NUMBL: variants seen among roughly 807,000 people sequenced by gnomAD.
NUMBL encodes numb-like protein.
Under a neutral mutation model 48.9 loss-of-function variants are expected in NUMBL, and 20 were observed. That is an observed-to-expected ratio of 0.41 (90% CI 0.29 to 0.59). The LOEUF (loss-of-function observed/expected upper bound fraction) is 0.59. NUMBL is among the 20% of genes least tolerant of loss of function. NUMBL has a pLI of 0.31. For synonymous variants in NUMBL, 340 were observed against 348.7 expected, an observed-to-expected ratio of 0.98 and a Z score of 0.28; for missense variants, 660 against 846.2, an observed-to-expected ratio of 0.78 and a Z score of 2.73.
In NUMBL at chr19:40,667,608, G is replaced by A. The variant is rs1282285599; in HGVS notation, c.1690C>T (p.Pro564Ser). Reference sequence around the variant, plus strand: ...GGAGCTGGGGCAGGCGCTGGCTCAGGGGGCCAGGGGGCCCCATTGGGGCGA... The same window carrying A: ...GGAGCTGGGGCAGGCGCTGGCTCAGAGGGCCAGGGGGCCCCATTGGGGCGA... Reference protein sequence around the residue: ...RPRPNGAPWPPEPAPAPAPEL... With the variant: ...RPRPNGAPWPSEPAPAPAPEL... The change falls in exon 10 of 10, where the codon CCT becomes TCT. Residue 564 changes from proline to serine, a missense_variant. Pro to Ser is a moderately conservative substitution (Grantham distance 74). Around this residue, in one of 3 missense-constraint regions of NUMBL, gnomAD observed 296 missense variants for 339.7 expected, o/e 0.87. Coordinates refer to ENST00000252891, the MANE Select transcript of NUMBL (RefSeq NM_004756.5). This position sits in a 1 kb window ranked among gnomAD's most constrained non-coding sequence, Gnocchi z 6.1. 1.3e-6 allele frequency: 2 copies of A among 1,554,262 alleles called. No homozygotes were observed. The highest frequency in any genetic ancestry group is 1.7e-6 in the Non-Finnish European group (2 of 1,149,058).
chr19:40,678,037 C>G (rs2081887192), intron 6 of NUMBL, among the ~76,000 whole-genome samples: 1 of 152,186 alleles, frequency 6.6e-6, no homozygotes, highest in Non-Finnish European at 1.5e-5. Context: ...ACGTGTGTGT[C>G]TCTCTCAGTT....
rs2081943685 is a variant in NUMBL at position 40,688,067 on chromosome 19, C to A, written c.25-1072G>T. Among the ~76,000 whole-genome samples, 1 of 152,160 alleles carries A rather than the reference C, an allele frequency of 6.6e-6. No individual in the cohort carries two copies. The highest frequency in any genetic ancestry group is 2.1e-4 in the South Asian group (1 of 4,828). ...ACTGATGGCCACAGCATGCAACCAC[C>A]CACAAACAACTGTCCCCAAGGATGG... On this transcript the variant is annotated intron_variant, in intron 1 of 9. Coordinates refer to ENST00000252891, the MANE Select transcript of NUMBL (RefSeq NM_004756.5). This position sits in a 1 kb window ranked among gnomAD's most constrained non-coding sequence, Gnocchi z 4.6.
rs750424878 is a variant in NUMBL at position 40,682,987 on chromosome 19, G to GGC, written c.250-20_250-19insGC. On this transcript the variant is annotated intron_variant, in intron 3 of 9. Coordinates refer to ENST00000252891, the MANE Select transcript of NUMBL (RefSeq NM_004756.5). The surrounding 1 kb of genome is among the most constrained non-coding windows in gnomAD (Gnocchi z 4.0). Reference sequence around the variant, plus strand: ...CCAGGTACTTGGGTTGGAGGGAATGGGGGGGGGGACATGAAACAGCACAGT... The same window carrying GGC: ...CCAGGTACTTGGGTTGGAGGGAATGGGCGGGGGGGGACATGAAACAGCACAGT... 1.0e-5 allele frequency: 16 copies of GGC among 1,602,038 alleles called. No individual in the cohort carries two copies. The highest frequency in any genetic ancestry group is 6.7e-5 in the East Asian group (3 of 44,772).
At position 40,677,213 on chromosome 19, in the gene NUMBL, C is replaced by A. The variant is rs187394779; in HGVS notation, c.730+19G>T. 3.9e-6 allele frequency: 6 copies of A among 1,549,530 alleles called. No individual in the cohort carries two copies. The South Asian group carries it at 5.9e-5, about 15-fold the overall frequency. ...CTGTGCCCACTCTGTGCTCTGCTGG[C>A]GCTTGGGGCAACACCCACCTTTCTT... is the stretch of plus-strand genomic sequence containing the variant. On this transcript the variant is annotated intron_variant, in intron 7 of 9. Coordinates refer to ENST00000252891, the MANE Select transcript of NUMBL (RefSeq NM_004756.5).
intron 6 of NUMBL, among the ~76,000 whole-genome samples, chr19:40,680,379 A>G (rs527661838): frequency 2.6e-5 from 4 of 151,848 alleles, no homozygotes; most frequent in Admixed American, 6.6e-5. Context: ...CAAATTCCTG[A>G]CCTCAGGTGA....
In NUMBL at chr19:40,668,022, C is replaced by A. The variant is rs1335062916; in HGVS notation, c.1276G>T (p.Ala426Ser). 6.4e-7 allele frequency: 1 copy of A among 1,571,318 alleles called. No homozygotes were observed. ...TGTTGCTGCTGCTGCTGCTGCTGGG[C>A]CTTGGCCACCTGTGACACCTCCTCC... ...WLEEVSQVAK[A>S]QQQQQQQQQQ... Residue 426 changes from alanine (A) to serine (S), a missense_variant, in exon 10 of 10, where the codon GCC becomes TCC. Around this residue, in one of 3 missense-constraint regions of NUMBL, gnomAD observed 296 missense variants for 339.7 expected, o/e 0.87. Transcript: ENST00000252891.
At position 40,686,894 on chromosome 19, in the gene NUMBL, C is replaced by T; in HGVS notation, c.109+17G>A. On this transcript the variant is annotated intron_variant, in intron 2 of 9. Coordinates refer to ENST00000252891, the MANE Select transcript of NUMBL (RefSeq NM_004756.5). The stretch of plus-strand genomic sequence containing the variant: ...CATACCCATTCAGCCCTGCCCTGTC[C>T]CAGGCTGGTCGCTCACCTGGCTCCG... The T allele has an allele frequency of 6.6e-7, 1 of 1,519,202 alleles. No homozygotes were observed. Among genetic ancestry groups the T allele is most frequent in the Non-Finnish European group, 8.9e-7 (1 of 1,117,908 alleles). The allele number at this position is 1,519,202 out of a possible 1,614,324, so 94.1% of individuals were successfully genotyped here.
intron 8 of NUMBL, among the ~76,000 whole-genome samples, chr19:40,671,772 A>T (rs1046369000): frequency 1.2e-4 from 18 of 152,172 alleles, no homozygotes; most frequent in African/African-American, 4.3e-4. Context: ...GCCAGACCAC[A>T]TGGGTTCACT....
In NUMBL at chr19:40,667,465, G is replaced by T; in HGVS notation, c.*3C>A. 6.2e-7 allele frequency: 1 copy of T among 1,602,596 alleles called. No homozygotes were observed. The highest frequency in any genetic ancestry group is 2.2e-5 in the East Asian group (1 of 44,530). On this transcript the variant is annotated 3_prime_UTR_variant, in exon 10 of 10. Coordinates refer to ENST00000252891, the MANE Select transcript of NUMBL (RefSeq NM_004756.5). The surrounding 1 kb of genome is among the most constrained non-coding windows in gnomAD (Gnocchi z 6.1). ...GATGATGGAGTGGGTGGGGCGGCTC[G>T]GGCTACAGTTCAATCTCGAATGTCT...
Position 40,667,476 on chromosome 19 carries a change from C to A in NUMBL, c.1822G>T (p.Glu608Ter). Residue 608 changes from glutamate to a stop codon, truncating the protein, a stop_gained, in exon 10 of 10, where the codon GAA (glutamate) becomes TAA (stop). Coordinates refer to ENST00000252891, the MANE Select transcript of NUMBL (RefSeq NM_004756.5). LOFTEE classifies it high-confidence loss of function. This position sits in a 1 kb window ranked among gnomAD's most constrained non-coding sequence, Gnocchi z 6.1. ...GGGTGGGGCGGCTCGGGCTACAGTT[C>A]AATCTCGAATGTCTTTTGCAGGTCG... ...SGDLQKTFEI[E>*]L The A allele has an allele frequency of 6.2e-7, 1 of 1,603,280 alleles. No homozygotes were observed. The highest frequency in any genetic ancestry group is 1.1e-5 in the South Asian group (1 of 89,118).
rs1350049956 is a variant in NUMBL at position 40,667,778 on chromosome 19, A to G, written c.1520T>C (p.Val507Ala). 1 of 1,580,718 alleles carries G rather than the reference A, an allele frequency of 6.3e-7. No homozygotes were observed. The highest frequency in any genetic ancestry group is 8.6e-7 in the Non-Finnish European group (1 of 1,163,804). Residue 507 changes from valine to alanine, a missense_variant, in exon 10 of 10, where the codon GTG becomes GCG. This residue lies in a region of NUMBL where 296 missense variants were observed against 339.7 expected (regional missense o/e 0.87). Coordinates refer to ENST00000252891, the MANE Select transcript of NUMBL (RefSeq NM_004756.5). The surrounding 1 kb of genome is among the most constrained non-coding windows in gnomAD (Gnocchi z 6.1). ...CATCTGTGAGGGTGTGATGCCCACCACGGGCACCCGGGGCATCGGTGGGTA... is the reference window on the plus strand; with the variant it reads ...CATCTGTGAGGGTGTGATGCCCACCGCGGGCACCCGGGGCATCGGTGGGTA... ...LGYPPMPRVP[V>A]VGITPSQMVA... is the part of the protein sequence containing the mutation.
At chr19:40,681,824 C>A (rs1315905146) in intron 5 of NUMBL, among the ~76,000 whole-genome samples, 1 of 151,932 alleles carries the variant, frequency 6.6e-6, no homozygotes, top group Admixed American at 6.6e-5. Context: ...AGGCACGCAC[C>A]ACCACGTCTG....
chr19:40,689,676 G>A (rs1262771492), intron 1 of NUMBL: 2 of 152,348 alleles, frequency 1.3e-5, no homozygotes, highest in African/African-American at 4.8e-5. Context: ...TGAGGGCCAG[G>A]TCCAGGAGGG....
At chr19:40,668,261 G>A in intron 9 of NUMBL, 123 bp from the exon 10 acceptor site, 2 of 1,436,396 alleles carry the variant, frequency 1.4e-6, no homozygotes, top group Non-Finnish European at 9.2e-7. Flanking sequence ...GCCTGCCTCT[G>A]AATCCCAGCT....
intron 7 of NUMBL, among the ~76,000 whole-genome samples, chr19:40,675,806 T>C (rs1203343343): frequency 6.6e-6 from 1 of 152,168 alleles, no homozygotes; most frequent in Non-Finnish European, 1.5e-5. Context: ...ATTTAACCCT[T>C]ATGCCATTCA....
chr19:40,678,220 C>T (rs1357884000), intron 6 of NUMBL, among the ~76,000 whole-genome samples: 1 of 152,006 alleles, frequency 6.6e-6, no homozygotes, highest in Non-Finnish European at 1.5e-5. Flanking sequence ...TGGAGTGCAG[C>T]GGCATGACCT....
At position 40,680,973 on chromosome 19, in the gene NUMBL, G is replaced by A. The variant is rs1234577930; in HGVS notation, c.484C>T (p.Arg162Cys). 2.5e-6 allele frequency: 4 copies of A among 1,614,046 alleles called. No individual in the cohort carries two copies. The highest frequency in any genetic ancestry group is 3.4e-6 in the Non-Finnish European group (4 of 1,180,026). The change falls in exon 6 of 10, where the codon CGT (arginine) becomes TGT (cysteine). Residue 162 changes from arginine to cysteine, a missense_variant. Transcript: ENST00000252891. ...NLDKAFSYIC[R>C]DGTTRRWICH... ...ATCCAGCGGCGGGTAGTCCCGTCAC[G>A]ACAGATATAGGAGAAAGCCTTGTCC... is the stretch of plus-strand genomic sequence containing the variant.
intron 8 of NUMBL, 131 bp from the exon 9 acceptor site, chr19:40,670,151 A>G: frequency 3.6e-6 from 4 of 1,101,490 alleles, no homozygotes; most frequent in Non-Finnish European, 2.5e-6. Context: ...CTAAGTGGCC[A>G]TGACCGCCAA....
chr19:40,683,418 G>A (rs113065420), intron 3 of NUMBL, among the ~76,000 whole-genome samples: 190 of 152,350 alleles, frequency 1.2e-3, no homozygotes, highest in Admixed American at 1.9e-3. Flanking sequence ...TTTCCCAGGG[G>A]AAAGCTCAGT....
Sources: allele counts gnomAD v4.1 joint callset (sites outside exome capture counted in the v4.1 genomes callset), GRCh38; gene constraint gnomAD v4.1.1; regional missense constraint gnomAD v4.1.1; non-coding constraint Gnocchi (gnomAD v3.1); transcripts MANE v1.5; gene names NCBI Gene and HGNC (gene_info 2026-07-23, HGNC 2026-07-21).